The following CSNK1G2 variants were observed in gnomAD, a reference collection of about 807,000 sequenced individuals.
CSNK1G2 encodes casein kinase I isoform gamma-2.
In CSNK1G2, 11 loss-of-function variants were observed where a neutral mutation model predicts 48.0. That is an observed-to-expected ratio of 0.23 (90% CI 0.14 to 0.38). The LOEUF is 0.38. CSNK1G2 is among the 10% of genes least tolerant of loss of function. CSNK1G2 has a pLI of 1.00. For missense variants in CSNK1G2, 446 were observed against 595.5 expected (o/e 0.75, Z 2.61); for synonymous variants, 337 against 254.1 (o/e 1.33, Z -3.10).
chr19:1,963,593 C>G (rs933755556), intron 1 of CSNK1G2, among the ~76,000 whole-genome samples: 1 of 148,638 alleles, frequency 6.7e-6, no homozygotes, highest in East Asian at 2.0e-4. Context: ...CTGCAACCTT[C>G]GCCTTGCAGG....
intron 1 of CSNK1G2, chr19:1,959,355 CAGAG>C (rs2015112297): frequency 6.6e-6 from 1 of 152,548 alleles, no homozygotes; most frequent in South Asian, 2.0e-4. Context: ...CTGGGGCTCA[CAGAG>C]AGGGTGGGTG....
At position 1,964,303 on chromosome 19, in the gene CSNK1G2, C is replaced by CA. The variant is rs542361268; in HGVS notation, c.-265-5196dup. Among the ~76,000 whole-genome samples, 14 of 126,542 alleles carry CA rather than the reference C, an allele frequency of 1.1e-4. 1 individual carries two copies. Among genetic ancestry groups the CA allele is most frequent in the East Asian group, 2.6e-4 (1 of 3,866 alleles). 83.0% of individuals were successfully genotyped at this position (126,542 alleles called of 152,430 possible). A position where few individuals can be genotyped will look rare whatever the true frequency, so the allele number is the denominator to read the frequency against. ...GTGAGACCCTGTGTTAAAAAAAAAACAAAAAAAAACCAGGTTCAAGGTGAA... is the reference window on the plus strand; with the variant it reads ...GTGAGACCCTGTGTTAAAAAAAAAACAAAAAAAAAACCAGGTTCAAGGTGAA... On this transcript the variant is annotated intron_variant, in intron 1 of 11. Transcript: ENST00000255641.
At chr19:1,953,236 T>A in intron 1 of CSNK1G2, 1 of 375,488 alleles carries the variant, frequency 2.7e-6, no homozygotes, top group Non-Finnish European at 5.3e-6. Context: ...GTGGCACCAC[T>A]TGGGACCGGG....
At chr19:1,953,737 G>T (rs902994057) in intron 1 of CSNK1G2, 2 of 408,228 alleles carry the variant, frequency 4.9e-6, no homozygotes, top group Non-Finnish European at 1.0e-5. Context: ...CCCCCAACAG[G>T]GTCTGGTCCC....
chr19:1,959,196 G>A (rs1379898383), intron 1 of CSNK1G2: 1 of 151,572 alleles, frequency 6.6e-6, no homozygotes, highest in African/African-American at 2.4e-5. Context: ...GAGAAGGGAT[G>A]GATTTGTTTT....
intron 1 of CSNK1G2, chr19:1,952,771 T>G (rs2145512121): frequency 3.2e-6 from 1 of 313,570 alleles, no homozygotes; most frequent in East Asian, 1.5e-4. Context: ...CCAGGGGATA[T>G]AGAAGACCTG....
In CSNK1G2 at chr19:1,978,662, A is replaced by G; in HGVS notation, c.359A>G (p.Glu120Gly). The change falls in exon 5 of 12, where the codon GAG becomes GGG. Residue 120 changes from glutamate to glycine, a missense_variant. Transcript: ENST00000255641. This position sits in a 1 kb window ranked among gnomAD's most constrained non-coding sequence, Gnocchi z 7.3. ...GGGAAGTACAACGCCATGGTGCTGG[A>G]GCTGCTGGGGCCCAGCCTGGAGGAC... ...PCGKYNAMVL[E>G]LLGPSLEDLF... The G allele has an allele frequency of 6.2e-7, 1 of 1,606,910 alleles. No homozygotes were observed.
chr19:1,943,369 G>A (rs375032737), intron 1 of CSNK1G2, among the ~76,000 whole-genome samples: 21 of 152,352 alleles, frequency 1.4e-4, no homozygotes, highest in South Asian at 1.2e-3. Context: ...GAGCCAGGCC[G>A]TTTGCAGGAT....
chr19:1,972,096 G>A (rs1016591642), intron 2 of CSNK1G2, among the ~76,000 whole-genome samples: 3 of 152,184 alleles, frequency 2.0e-5, no homozygotes, highest in East Asian at 1.9e-4. Flanking sequence ...ACTGAGTTGC[G>A]GTTTGCGCTC....
intron 1 of CSNK1G2, among the ~76,000 whole-genome samples, chr19:1,961,109 G>A (rs561189373): frequency 1.3e-5 from 2 of 152,230 alleles, no homozygotes; most frequent in African/African-American, 2.4e-5. Flanking sequence ...CCCCCTGTCC[G>A]TCCCGTTGGC....
intron 1 of CSNK1G2, among the ~76,000 whole-genome samples, chr19:1,965,178 G>A (rs1046221831): frequency 6.7e-5 from 10 of 149,996 alleles, no homozygotes; most frequent in Non-Finnish European, 1.5e-4. Context: ...GGCAGATCAC[G>A]AGGTCAGGAG....
At chr19:1,973,177 T>G (rs1172107346) in intron 2 of CSNK1G2, among the ~76,000 whole-genome samples, 1 of 151,914 alleles carries the variant, frequency 6.6e-6, no homozygotes, top group African/African-American at 2.4e-5. Context: ...TCTGCCCGCC[T>G]CGGCCTCCCA....
At chr19:1,956,157 C>A (rs2014991028) in intron 1 of CSNK1G2, among the ~76,000 whole-genome samples, 1 of 152,158 alleles carries the variant, frequency 6.6e-6, no homozygotes, top group African/African-American at 2.4e-5. Flanking sequence ...TGGTCACCAC[C>A]CAGACGAGGG....
At chr19:1,946,475 T>C (rs1041451968) in intron 1 of CSNK1G2, among the ~76,000 whole-genome samples, 6 of 149,780 alleles carry the variant, frequency 4.0e-5, no homozygotes, top group Non-Finnish European at 7.4e-5. Context: ...GTACTTTTAG[T>C]AGAGACGGGG....
chr19:1,975,950 G>A lies in CSNK1G2; in HGVS notation c.188-2355G>A, dbSNP rs536417579. 50 of 858,624 alleles carry A rather than the reference G, an allele frequency of 5.8e-5. 1 individual carries two copies. Among genetic ancestry groups the A allele is most frequent in the South Asian group, 1.9e-4 (13 of 66,924 alleles). The allele number at this position is 858,624 out of a possible 1,614,324, so 53.2% of individuals were successfully genotyped here. A position where few individuals can be genotyped will look rare whatever the true frequency, so the allele number is the denominator to read the frequency against. On this transcript the variant is annotated intron_variant, in intron 2 of 11. Transcript: ENST00000255641. Reference sequence around the variant, plus strand: ...CTCAGGAGGCTGAGGCAGGAGAATCGCTTGAACCCAGGAGGCAGAGGTTCC... The same window carrying A: ...CTCAGGAGGCTGAGGCAGGAGAATCACTTGAACCCAGGAGGCAGAGGTTCC...
chr19:1,942,278 C>T lies in CSNK1G2; in HGVS notation c.-266+860C>T, dbSNP rs530292303. Among the ~76,000 whole-genome samples the T allele has an allele frequency of 4.8e-4, 73 of 152,368 alleles. 3 individuals are homozygous for T. The South Asian group carries it at 0.015, about 31-fold the overall frequency. The stretch of plus-strand genomic sequence containing the variant: ...CGCCTGGCTCCTCTCTCCCAACTTT[C>T]TTAGGGGAAGACTTTCCCGTTGAGG... On this transcript the variant is annotated intron_variant, in intron 1 of 11. Coordinates refer to ENST00000255641, the MANE Select transcript of CSNK1G2 (RefSeq NM_001319.7).
chr19:1,959,640 C>T (rs1178773972), intron 1 of CSNK1G2, among the ~76,000 whole-genome samples: 13 of 130,984 alleles, frequency 9.9e-5, no homozygotes, highest in East Asian at 2.1e-4. Context: ...TTAGTGCCAC[C>T]GTGGGTCCCC....
At chr19:1,941,791 T>A (rs1471171012) in intron 1 of CSNK1G2, among the ~76,000 whole-genome samples, 1 of 39,516 alleles carries the variant, frequency 2.5e-5, no homozygotes, top group African/African-American at 6.9e-5. Flanking sequence ...ACCCCCCCAC[T>A]CTGCACCCCG....
Position 1,980,465 on chromosome 19 carries a change from G to C in CSNK1G2, c.*262G>C. On this transcript the variant is annotated 3_prime_UTR_variant, in exon 12 of 12. Transcript: ENST00000255641. ...AAGAGCATTAACTATTTAAAACAAG[G>C]AAAAGAGGAAAAAAAAAACAGAGGC... 1 of 514,196 alleles carries C rather than the reference G, an allele frequency of 1.9e-6. No individual in the cohort carries two copies. The highest frequency in any genetic ancestry group is 3.5e-6 in the Non-Finnish European group (1 of 287,650). 31.9% of individuals were successfully genotyped at this position (514,196 alleles called of 1,614,324 possible). A position where few individuals can be genotyped will look rare whatever the true frequency, so the allele number is the denominator to read the frequency against.
Sources: allele counts gnomAD v4.1 joint callset (sites outside exome capture counted in the v4.1 genomes callset), GRCh38; gene constraint gnomAD v4.1.1; non-coding constraint Gnocchi (gnomAD v3.1); transcripts MANE v1.5; gene names NCBI Gene and HGNC (gene_info 2026-07-23, HGNC 2026-07-21).